DYNC1H1: variants seen among roughly 807,000 people sequenced by gnomAD.
DYNC1H1 encodes cytoplasmic dynein 1 heavy chain 1.
In DYNC1H1, 51 loss-of-function variants were observed where a neutral mutation model predicts 527.1. The observed-to-expected ratio is 0.10, with a 90% confidence interval of 0.08 to 0.12. The LOEUF (loss-of-function observed/expected upper bound fraction) is 0.12. Ranked by LOEUF, DYNC1H1 falls within the 10% of genes least tolerant of loss-of-function variation. The pLI, the probability that DYNC1H1 is intolerant of heterozygous loss-of-function variation, is 1.00. For missense variants in DYNC1H1, 2,771 were observed against 5,971.8 expected, an observed-to-expected ratio of 0.46 and a Z score of 17.66; for synonymous variants, 2,189 against 2,278.8, an observed-to-expected ratio of 0.96 and a Z score of 1.12.
intron 7 of DYNC1H1, among the ~76,000 whole-genome samples, chr14:101,984,788 C>G (rs2047913719): frequency 6.6e-6 from 1 of 151,064 alleles, no homozygotes; most frequent in Admixed American, 6.6e-5. Flanking sequence ...AAAAAATTAG[C>G]TGGGCGTGGT....
Position 101,983,124 on chromosome 14 carries a change from C to A in DYNC1H1, c.1067C>A (p.Ala356Glu). Reference sequence around the variant, plus strand: ...ACGGAGCTGGACAAAATAAGACAGGCGCTTGTTGCCATTTTCACACATTTG... The same window carrying A: ...ACGGAGCTGGACAAAATAAGACAGGAGCTTGTTGCCATTTTCACACATTTG... The part of the protein sequence containing the change: ...SATELDKIRQ[A>E]LVAIFTHLRK... Residue 356 changes from alanine to glutamate, a missense_variant, in exon 6 of 78, where the codon GCG (alanine) becomes GAG (glutamate). Physicochemically the swap from Ala to Glu is moderately radical, Grantham distance 107. This residue lies in a region of DYNC1H1 where 264 missense variants were observed against 619.4 expected (regional missense o/e 0.43). Coordinates refer to ENST00000360184, the MANE Select transcript of DYNC1H1 (RefSeq NM_001376.5). The surrounding 1 kb of genome is among the most constrained non-coding windows in gnomAD (Gnocchi z 5.3). 1 of 1,614,154 alleles carries A rather than the reference C, an allele frequency of 6.2e-7. No individual in the cohort carries two copies. Among genetic ancestry groups the A allele is most frequent in the Non-Finnish European group, 8.5e-7 (1 of 1,180,036 alleles).
At position 102,039,866 on chromosome 14, in the gene DYNC1H1, C is replaced by A; in HGVS notation, c.11690+134C>A. ...TTTATTTTATTTTTTGAGACGGAGT[C>A]TCCCTTTGTTGCCTAGGCTGGAGTG... On this transcript the variant is annotated intron_variant, in intron 62 of 77. Coordinates refer to ENST00000360184, the MANE Select transcript of DYNC1H1 (RefSeq NM_001376.5). This position sits in a 1 kb window ranked among gnomAD's most constrained non-coding sequence, Gnocchi z 7.0. 8.2e-7 allele frequency: 1 copy of A among 1,216,332 alleles called. No individual in the cohort carries two copies. Among genetic ancestry groups the A allele is most frequent in the Non-Finnish European group, 1.2e-6 (1 of 864,542 alleles). 75.3% of individuals were successfully genotyped at this position (1,216,332 alleles called of 1,614,324 possible).
In DYNC1H1 at chr14:102,012,270, A is replaced by G. The variant is rs1276211073; in HGVS notation, c.6858-44A>G. 4 of 1,614,162 alleles carry G rather than the reference A, an allele frequency of 2.5e-6. No individual in the cohort carries two copies. In the South Asian group the frequency reaches 4.4e-5, roughly 18 times the overall value. On this transcript the variant is annotated intron_variant, in intron 33 of 77. Transcript: ENST00000360184. The surrounding 1 kb of genome is among the most constrained non-coding windows in gnomAD (Gnocchi z 4.9). Reference sequence around the variant, plus strand: ...ATCGGTAAACATGCCTAATGTTAAAATCTTGATTTAATCAGCAGCTATTTT... The same window carrying G: ...ATCGGTAAACATGCCTAATGTTAAAGTCTTGATTTAATCAGCAGCTATTTT...
rs750521880 is a variant in DYNC1H1, at chr14:102,033,244, A to G, written c.10198-25A>G. 3 of 1,614,042 alleles carry G rather than the reference A, an allele frequency of 1.9e-6. No individual in the cohort carries two copies. The African/African-American group carries it at 4.0e-5, about 22-fold the overall frequency. On this transcript the variant is annotated intron_variant, in intron 53 of 77. Transcript: ENST00000360184. This position sits in a 1 kb window ranked among gnomAD's most constrained non-coding sequence, Gnocchi z 5.6. ...GACCTCTTTTCCTGTCACTTAAATA[A>G]CAGTTATCAATTGGTTCTTCCCAGC...
chr14:102,040,672 A>G lies in DYNC1H1; in HGVS notation c.11940A>G (p.Ala3980=). 3 of 1,614,242 alleles carry G rather than the reference A, an allele frequency of 1.9e-6. No homozygotes were observed. The highest frequency in any genetic ancestry group is 2.5e-6 in the Non-Finnish European group (3 of 1,180,046). The change falls in exon 64 of 78, where the codon GCA becomes GCG. Residue 3980 remains alanine (A), a splice_region_variant and synonymous_variant. Transcript: ENST00000360184. ...ACCTCTGGAGTGAAGAAACACCTGCAAGTAAGCCCCACTGTGGTTTTCTTT... is the reference window on the plus strand; with the variant it reads ...ACCTCTGGAGTGAAGAAACACCTGCGAGTAAGCCCCACTGTGGTTTTCTTT... The part of the protein sequence containing the change: ...VPYLWSEETP[A]TPIGQAIHRL...
chr14:102,012,347 G>A lies in DYNC1H1; in HGVS notation c.6891G>A (p.Lys2297=). The change falls in exon 34 of 78, where the codon AAG becomes AAA. Residue 2297 remains lysine, a synonymous_variant. Transcript: ENST00000360184. The surrounding 1 kb of genome is among the most constrained non-coding windows in gnomAD (Gnocchi z 4.9). ...ACAGCGTGAGAGGCGAGCTGCAGAA[G>A]CGCCAGTGGATCGTCTTCGATGGCG... ...IIDSVRGELQ[K]RQWIVFDGDV... is the part of the protein sequence containing the mutation. The A allele has an allele frequency of 4.3e-6, 7 of 1,614,240 alleles. No individual in the cohort carries two copies. The highest frequency in any genetic ancestry group is 5.9e-6 in the Non-Finnish European group (7 of 1,180,042).
At chr14:102,009,683 T>C in intron 29 of DYNC1H1, 160 bp from the exon 30 acceptor site, 1 of 1,092,448 alleles carries the variant, frequency 9.2e-7, no homozygotes, top group South Asian at 1.5e-5. Context: ...ATGTGGCTGG[T>C]GGTCCCCGAA....
At chr14:102,032,901 C>T (rs2048526541) in intron 52 of DYNC1H1, 164 bp from the exon 53 acceptor site, 1 of 704,452 alleles carries the variant, frequency 1.4e-6, no homozygotes, top group African/African-American at 1.8e-5. Context: ...AGCACATTTT[C>T]AGCTTTCACC....
chr14:101,995,906 T>C (rs1283956911), intron 15 of DYNC1H1, among the ~76,000 whole-genome samples: 2 of 151,318 alleles, frequency 1.3e-5, no homozygotes, highest in Non-Finnish European at 2.9e-5. Context: ...ACAAAAAATA[T>C]ACAAAAAATT....
At chr14:102,048,206 T>C in intron 73 of DYNC1H1, 178 bp downstream of exon 73, 1 of 846,302 alleles carries the variant, frequency 1.2e-6, no homozygotes, top group Non-Finnish European at 1.8e-6. Context: ...GAGTTGGCCC[T>C]TTTGAAATGG....
At chr14:101,970,763 G>A (rs1166251325) in intron 1 of DYNC1H1, among the ~76,000 whole-genome samples, 63 of 152,152 alleles carry the variant, frequency 4.1e-4, no homozygotes, top group African/African-American at 1.4e-3. Flanking sequence ...GACTGCAGGC[G>A]TGAGCCACTG....
intron 1 of DYNC1H1, among the ~76,000 whole-genome samples, chr14:101,973,068 G>A (rs1248000247): frequency 1.3e-5 from 2 of 151,792 alleles, no homozygotes; most frequent in South Asian, 2.1e-4. Flanking sequence ...TTTAATAGTC[G>A]TTTTAAAAAA....
At chr14:101,990,826 T>C (rs1449908073) in intron 10 of DYNC1H1, among the ~76,000 whole-genome samples, 1 of 151,946 alleles carries the variant, frequency 6.6e-6, no homozygotes, top group Non-Finnish European at 1.5e-5. Context: ...CTGTCCAACA[T>C]GGTGAAACCC....
chr14:102,032,956 TG>T, intron 52 of DYNC1H1, 108 bp from the exon 53 acceptor site: 2 of 1,138,020 alleles, frequency 1.8e-6, no homozygotes, highest in Non-Finnish European at 2.7e-6. Context: ...GGTCAGTCAC[TG>T]GGGCAATGAG....
chr14:102,006,070 C>T lies in DYNC1H1; in HGVS notation c.5616C>T (p.Tyr1872=), dbSNP rs2048193275. ...ANAKFNYGFE[Y]LGVQDKLVQT... ...CCAAATTTAACTATGGCTTTGAGTA[C>T]CTGGGTGTTCAGGACAAACTGGTCC... Residue 1872 remains tyrosine, a synonymous_variant, in exon 27 of 78, where the codon TAC becomes TAT. Coordinates refer to ENST00000360184, the MANE Select transcript of DYNC1H1 (RefSeq NM_001376.5). 2 of 1,614,088 alleles carry T rather than the reference C, an allele frequency of 1.2e-6. No individual in the cohort carries two copies. The highest frequency in any genetic ancestry group is 8.5e-7 in the Non-Finnish European group (1 of 1,180,062).
At position 101,983,363 on chromosome 14, in the gene DYNC1H1, T is replaced by G; in HGVS notation, c.1234-19T>G. The G allele has an allele frequency of 6.2e-7, 1 of 1,614,168 alleles. No individual in the cohort carries two copies. The highest frequency in any genetic ancestry group is 1.3e-5 in the African/African-American group (1 of 75,068). On this transcript the variant is annotated intron_variant, in intron 6 of 77. Coordinates refer to ENST00000360184, the MANE Select transcript of DYNC1H1 (RefSeq NM_001376.5). This position sits in a 1 kb window ranked among gnomAD's most constrained non-coding sequence, Gnocchi z 5.3. Reference sequence around the variant, plus strand: ...AATATGTCTTAATAATAAGCCTCACTTTTGAAATTATATCCTAGGTTATGG... The same window carrying G: ...AATATGTCTTAATAATAAGCCTCACGTTTGAAATTATATCCTAGGTTATGG...
Position 102,029,540 on chromosome 14 carries a change from C to T in DYNC1H1, c.9470C>T (p.Ala3157Val). 6.2e-7 allele frequency: 1 copy of T among 1,614,144 alleles called. No homozygotes were observed. The highest frequency in any genetic ancestry group is 2.2e-5 in the East Asian group (1 of 44,876). Residue 3157 changes from alanine (A) to valine (V), a missense_variant and splice_region_variant, in exon 49 of 78, where the codon GCG (alanine) becomes GTG (valine). Physicochemically the swap from Ala to Val is moderately conservative, Grantham distance 64. Transcript: ENST00000360184. The surrounding 1 kb of genome is among the most constrained non-coding windows in gnomAD (Gnocchi z 5.3). ...CVFVHQTLHQ[A>V]NARLAKRGGR... ...GAAGATGTAACTATTTTCTGAAAGG[C>T]GAATGCTCGGCTAGCAAAGCGAGGC...
chr14:101,981,815 G>C (rs2047868447), intron 5 of DYNC1H1, among the ~76,000 whole-genome samples: 1 of 152,038 alleles, frequency 6.6e-6, no homozygotes, highest in South Asian at 2.1e-4. Flanking sequence ...AAATAGATTA[G>C]GATCCAAGCA....
Position 102,049,902 on chromosome 14 carries a change from A to C in DYNC1H1, c.13684+20A>C, listed in dbSNP as rs1240913810. Reference sequence around the variant, plus strand: ...TCACGGGTGAGTGGAGTCTCACAGAAAATACTGGCTCTTTGCAGGTGACCT... The same window carrying C: ...TCACGGGTGAGTGGAGTCTCACAGACAATACTGGCTCTTTGCAGGTGACCT... On this transcript the variant is annotated intron_variant, in intron 76 of 77. Coordinates refer to ENST00000360184, the MANE Select transcript of DYNC1H1 (RefSeq NM_001376.5). This position sits in a 1 kb window ranked among gnomAD's most constrained non-coding sequence, Gnocchi z 5.5. 3 of 1,585,086 alleles carry C rather than the reference A, an allele frequency of 1.9e-6. No homozygotes were observed. The East Asian group carries it at 8.8e-5, about 46-fold the overall frequency.
Sources: gnomAD v4.1 joint callset for allele counts (sites outside exome capture counted in the v4.1 genomes callset) on GRCh38, gnomAD v4.1.1 for gene constraint, gnomAD v4.1.1 regional missense constraint, Gnocchi (gnomAD v3.1) non-coding constraint, MANE v1.5 for transcripts, NCBI Gene and HGNC (gene_info 2026-07-23, HGNC 2026-07-21) for gene names.